The following CEP112 variants were observed in gnomAD, a reference collection of about 807,000 sequenced individuals.
The protein encoded by CEP112 is centrosomal protein of 112 kDa.
In CEP112, 127 loss-of-function variants were observed where a neutral mutation model predicts 153.0. That is an observed-to-expected ratio of 0.83 (90% CI 0.72 to 0.96). The LOEUF (loss-of-function observed/expected upper bound fraction) is 0.96, where lower values mean the gene tolerates loss of function less well. Ranked by LOEUF, CEP112 falls within the 40% of genes least tolerant of loss-of-function variation. CEP112 has a pLI of 0.00. For missense variants in CEP112, 1,089 were observed against 1,101.2 expected (o/e 0.99, Z 0.16); for synonymous variants, 358 against 374.4 (o/e 0.96, Z 0.51).
rs148119317 is a variant in CEP112, at chr17:66,111,277, C to T, written c.643-14645G>A. On this transcript the variant is annotated intron_variant, in intron 6 of 26. Coordinates refer to ENST00000535342, the MANE Select transcript of CEP112 (RefSeq NM_001199165.4). Reference sequence around the variant, plus strand: ...TTGATAGGAATGCAAATTAGTTCAACCATTGTGGAAAGCAGTATGGCCATT... The same window carrying T: ...TTGATAGGAATGCAAATTAGTTCAATCATTGTGGAAAGCAGTATGGCCATT... Among the ~76,000 whole-genome samples, 28 of 152,252 alleles carry T rather than the reference C, an allele frequency of 1.8e-4. 1 individual carries two copies. In the East Asian group the frequency reaches 4.2e-3, roughly 23 times the overall value.
chr17:66,062,917 G>T, intron 11 of CEP112, 46 bp downstream of exon 11: 3 of 915,196 alleles, frequency 3.3e-6, no homozygotes, highest in Non-Finnish European at 1.7e-6. Flanking sequence ...ATGTTACTTG[G>T]AAGCATAAAC....
intron 17 of CEP112, among the ~76,000 whole-genome samples, chr17:65,977,760 G>T (rs1456181723): frequency 1.3e-5 from 2 of 152,104 alleles, no homozygotes; most frequent in Admixed American, 6.5e-5. Flanking sequence ...GGGCAACAAC[G>T]TGAGACCCTG....
chr17:66,085,901 C>T (rs543605202), intron 8 of CEP112, among the ~76,000 whole-genome samples: 3 of 137,118 alleles, frequency 2.2e-5, no homozygotes, highest in South Asian at 4.8e-4. Flanking sequence ...TGCTTAAATC[C>T]GGGAGGTGGA....
intron 6 of CEP112, among the ~76,000 whole-genome samples, chr17:66,103,324 G>A (rs187511768): frequency 6.6e-6 from 1 of 151,936 alleles, no homozygotes; most frequent in African/African-American, 2.4e-5. Flanking sequence ...CAACACTGTA[G>A]TGGAATCCTA....
chr17:65,868,076 T>C (rs1202299678), intron 20 of CEP112, among the ~76,000 whole-genome samples: 1 of 152,030 alleles, frequency 6.6e-6, no homozygotes, highest in African/African-American at 2.4e-5. Flanking sequence ...AGAAGAGATA[T>C]TCTTTCTGTT....
intron 24 of CEP112, among the ~76,000 whole-genome samples, chr17:65,647,524 G>A (rs1419881384): frequency 7.0e-6 from 1 of 143,466 alleles, no homozygotes; most frequent in Non-Finnish European, 1.5e-5. Flanking sequence ...TATCTAGGCT[G>A]GAGTGCCATG....
At chr17:66,133,527 T>G (rs374670984) in intron 4 of CEP112, among the ~76,000 whole-genome samples, 8 of 152,316 alleles carry the variant, frequency 5.3e-5, no homozygotes, top group African/African-American at 1.9e-4. Flanking sequence ...TGAGTTTAAA[T>G]GGACTTCATC....
chr17:65,800,663 T>A (rs1598621828), intron 21 of CEP112, among the ~76,000 whole-genome samples: 1 of 152,350 alleles, frequency 6.6e-6, no homozygotes. Context: ...ATTCTAAGTT[T>A]AATTTTTTGA....
intron 19 of CEP112, among the ~76,000 whole-genome samples, chr17:65,908,742 C>T (rs2060175787): frequency 1.3e-5 from 2 of 151,616 alleles, no homozygotes; most frequent in South Asian, 4.2e-4. Context: ...TGCTACTCCA[C>T]AACACATGCA....
At chr17:65,953,773 A>T (rs760176256) in intron 18 of CEP112, among the ~76,000 whole-genome samples, 8 of 151,816 alleles carry the variant, frequency 5.3e-5, no homozygotes, top group Non-Finnish European at 1.2e-4. Context: ...TGGGAACCAC[A>T]CTCCCATCCC....
intron 17 of CEP112, 148 bp from the exon 18 acceptor site, chr17:65,961,746 A>G (rs569731239): frequency 4.3e-6 from 3 of 700,760 alleles, no homozygotes; most frequent in East Asian, 5.5e-5. Flanking sequence ...AAATTTGACA[A>G]TAAACTAATT....
chr17:65,951,737 T>TCCCGCGCCCCCCCCCCCCCCCCC (rs763670851), intron 18 of CEP112, among the ~76,000 whole-genome samples: 1 of 96,924 alleles, frequency 1.0e-5, no homozygotes, highest in African/African-American at 3.5e-5. Flanking sequence ...GCTCTAATCT[T>TCCCGCGCCCCCCCCCCCCCCCCC]CCCCCGCCCC....
At chr17:65,744,235 T>TTTTG (rs71160503) in intron 22 of CEP112, among the ~76,000 whole-genome samples, 45,096 of 149,424 alleles carry the variant, frequency 0.3, 7,165 homozygotes, top group South Asian at 0.45. Context: ...TTTTTGTGTT[T>TTTTG]TTTGTTTGTT....
intron 9 of CEP112, among the ~76,000 whole-genome samples, chr17:66,067,264 T>C (rs560029755): frequency 6.6e-6 from 1 of 152,310 alleles, no homozygotes; most frequent in Admixed American, 6.5e-5. Flanking sequence ...TTTTGACTAG[T>C]GAATATTGCC....
chr17:65,667,958 G>A (rs375093062), intron 24 of CEP112, among the ~76,000 whole-genome samples: 60 of 150,792 alleles, frequency 4.0e-4, no homozygotes, highest in East Asian at 2.1e-3. Context: ...GTGCAGTGGC[G>A]CAGTCTCCAC....
intron 17 of CEP112, among the ~76,000 whole-genome samples, chr17:65,990,505 A>T (rs896482605): frequency 3.3e-5 from 5 of 152,222 alleles, no homozygotes; most frequent in African/African-American, 1.2e-4. Flanking sequence ...CTTTGCATTG[A>T]ACTTAGTGCT....
chr17:65,908,233 C>T (rs1359208621), intron 19 of CEP112, among the ~76,000 whole-genome samples: 3 of 152,190 alleles, frequency 2.0e-5, no homozygotes, highest in Non-Finnish European at 4.4e-5. Context: ...TTAAAGAAGA[C>T]TGGCATGTCT....
intron 19 of CEP112, among the ~76,000 whole-genome samples, chr17:65,922,496 T>C (rs891966711): frequency 6.6e-6 from 1 of 152,158 alleles, no homozygotes; most frequent in African/African-American, 2.4e-5. Context: ...AAGTCAGTGG[T>C]GTGCCAAAAC....
intron 24 of CEP112, among the ~76,000 whole-genome samples, chr17:65,656,902 G>A (rs4791145): frequency 0.32 from 48,208 of 152,064 alleles, 7,885 homozygotes; most frequent in Middle Eastern, 0.49. Flanking sequence ...CAAGGTCTTC[G>A]GAATGTCTAC....
Sources: allele counts gnomAD v4.1 joint callset (sites outside exome capture counted in the v4.1 genomes callset), GRCh38; gene constraint gnomAD v4.1.1; transcripts MANE v1.5; gene names NCBI Gene and HGNC (gene_info 2026-07-23, HGNC 2026-07-21).